ZMAT4: variants seen among roughly 807,000 people sequenced by gnomAD.
The protein encoded by ZMAT4 is zinc finger matrin-type protein 4.
A neutral mutation model predicts 28.7 loss-of-function variants in ZMAT4; 17 were observed. The observed-to-expected ratio is 0.59, with a 90% confidence interval of 0.41 to 0.89. The LOEUF (loss-of-function observed/expected upper bound fraction) is 0.89, where lower values mean the gene tolerates loss of function less well. ZMAT4 is among the 40% of genes least tolerant of loss of function. The probability of loss-of-function intolerance (pLI) is 0.00; values close to 1 mark genes in which losing one functional copy is unlikely to be tolerated. For missense variants in ZMAT4, 240 were observed against 283.8 expected (o/e 0.85, Z 1.11); for synonymous variants, 117 against 109.2 (o/e 1.07, Z -0.44).
intron 3 of ZMAT4, among the ~76,000 whole-genome samples, chr8:40,740,543 T>C (rs543932216): frequency 4.6e-5 from 7 of 152,358 alleles, no homozygotes; most frequent in African/African-American, 1.7e-4. Context: ...TTTTAAGATA[T>C]CTTCAACAAC....
chr8:40,835,468 G>T lies in ZMAT4; in HGVS notation c.-4-9788C>A, dbSNP rs190214677. ...GCTATGTATTGGCTACCTGAGTGAA[G>T]CAAGTACCTGCTCCAGACAGGTGGA... On this transcript the variant is annotated intron_variant, in intron 1 of 6. Transcript: ENST00000297737. Among the ~76,000 whole-genome samples, 431 of 152,334 alleles carry T rather than the reference G, an allele frequency of 2.8e-3. 1 individual carries two copies. Among genetic ancestry groups the T allele is most frequent in the African/African-American group, 9.9e-3 (412 of 41,572 alleles).
At chr8:40,778,980 A>G (rs1252710219) in intron 2 of ZMAT4, among the ~76,000 whole-genome samples, 2 of 152,220 alleles carry the variant, frequency 1.3e-5, no homozygotes, top group African/African-American at 2.4e-5. Flanking sequence ...TATTTTGGAA[A>G]TATATTATCT....
At chr8:40,630,480 C>G (rs1806534642) in intron 5 of ZMAT4, among the ~76,000 whole-genome samples, 1 of 152,166 alleles carries the variant, frequency 6.6e-6, no homozygotes, top group Non-Finnish European at 1.5e-5. Context: ...CTCACACAAC[C>G]AAACCGTGGG....
At chr8:40,837,534 T>C (rs1816540156) in intron 1 of ZMAT4, among the ~76,000 whole-genome samples, 1 of 152,164 alleles carries the variant, frequency 6.6e-6, no homozygotes, top group African/African-American at 2.4e-5. Context: ...AAGTGCACTT[T>C]TTACCCAGTG....
intron 2 of ZMAT4, among the ~76,000 whole-genome samples, chr8:40,768,453 G>C (rs915698190): frequency 6.6e-6 from 1 of 152,160 alleles, no homozygotes; most frequent in Non-Finnish European, 1.5e-5. Flanking sequence ...TTGCTCAACT[G>C]AGAGTTTCAT....
At chr8:40,850,517 A>C (rs908577790) in intron 1 of ZMAT4, among the ~76,000 whole-genome samples, 3 of 152,310 alleles carry the variant, frequency 2.0e-5, no homozygotes, top group East Asian at 3.9e-4. Context: ...TCCGCCCCCC[A>C]AAATGTAAGC....
chr8:40,701,267 A>G (rs1376801601), intron 3 of ZMAT4, among the ~76,000 whole-genome samples: 1 of 152,226 alleles, frequency 6.6e-6, no homozygotes, highest in African/African-American at 2.4e-5. Context: ...ACCAATTCTT[A>G]TACAATAATG....
chr8:40,586,449 G>T (rs1027292336), intron 5 of ZMAT4, among the ~76,000 whole-genome samples: 6 of 152,290 alleles, frequency 3.9e-5, no homozygotes, highest in African/African-American at 7.2e-5. Context: ...AGATATAGAA[G>T]TAGCAACAAT....
intron 3 of ZMAT4, among the ~76,000 whole-genome samples, chr8:40,718,518 A>AT (rs1563433159): frequency 6.6e-5 from 10 of 151,928 alleles, no homozygotes; most frequent in Non-Finnish European, 1.5e-4. Context: ...TTTTTTTTAA[A>AT]TTTCCAGTTT....
At chr8:40,842,452 G>T (rs547573263) in intron 1 of ZMAT4, among the ~76,000 whole-genome samples, 2 of 152,224 alleles carry the variant, frequency 1.3e-5, no homozygotes, top group South Asian at 4.1e-4. Flanking sequence ...CTTTTCAATT[G>T]CTGAAAGGAG....
chr8:40,836,058 C>G (rs1056927528), intron 1 of ZMAT4, among the ~76,000 whole-genome samples: 1 of 152,202 alleles, frequency 6.6e-6, no homozygotes, highest in Admixed American at 6.5e-5. Context: ...ACAGCAGCCT[C>G]CCCCGTCCAT....
At chr8:40,704,240 G>A (rs1810262737) in intron 3 of ZMAT4, among the ~76,000 whole-genome samples, 1 of 152,184 alleles carries the variant, frequency 6.6e-6, no homozygotes, top group Admixed American at 6.6e-5. Context: ...AGAAAATGAT[G>A]TCTCTTCTCT....
At position 40,721,548 on chromosome 8, in the gene ZMAT4, C is replaced by T. The variant is rs1275363880; in HGVS notation, c.193-24147G>A. ...TTCTAGTTCTAGATGCCTGAGGAAT[C>T]GCCACACTGATTTCCACAATGGTTG... On this transcript the variant is annotated intron_variant, in intron 3 of 6. Coordinates refer to ENST00000297737, the MANE Select transcript of ZMAT4 (RefSeq NM_024645.3). Among the ~76,000 whole-genome samples the T allele has an allele frequency of 7.7e-3, 1,028 of 134,000 alleles. 11 individuals are homozygous for T. The highest frequency in any genetic ancestry group is 0.026 in the African/African-American group (908 of 35,048). The allele number at this position is 134,000 out of a possible 152,430, so 87.9% of individuals were successfully genotyped here.
chr8:40,756,140 AG>A (rs1812668293), intron 3 of ZMAT4, among the ~76,000 whole-genome samples: 1 of 152,054 alleles, frequency 6.6e-6, no homozygotes, highest in Admixed American at 6.6e-5. Flanking sequence ...GAAGATAAAA[AG>A]CATCTGGATG....
chr8:40,883,644 T>C (rs367628047), intron 1 of ZMAT4, among the ~76,000 whole-genome samples: 3 of 152,126 alleles, frequency 2.0e-5, no homozygotes, highest in Non-Finnish European at 4.4e-5. Flanking sequence ...GAAGATACTT[T>C]TAAAAACAAA....
intron 2 of ZMAT4, among the ~76,000 whole-genome samples, chr8:40,809,167 C>T (rs1002359290): frequency 6.6e-6 from 1 of 152,156 alleles, no homozygotes; most frequent in Non-Finnish European, 1.5e-5. Flanking sequence ...ATGAATGTTG[C>T]TGAAGGCCAT....
intron 5 of ZMAT4, among the ~76,000 whole-genome samples, chr8:40,637,446 A>T (rs1806836727): frequency 6.6e-6 from 1 of 152,188 alleles, no homozygotes; most frequent in Admixed American, 6.5e-5. Context: ...GGTCTGGACA[A>T]AGTGACTTCA....
intron 1 of ZMAT4, among the ~76,000 whole-genome samples, chr8:40,844,414 G>A (rs1023494812): frequency 8.5e-5 from 13 of 152,128 alleles, no homozygotes; most frequent in Admixed American, 5.9e-4. Flanking sequence ...TTCTCTCCTT[G>A]AGCTGAGACA....
At chr8:40,842,236 T>G (rs867346842) in intron 1 of ZMAT4, among the ~76,000 whole-genome samples, 2 of 152,334 alleles carry the variant, frequency 1.3e-5, no homozygotes, top group South Asian at 4.1e-4. Context: ...ACCTCTGTTC[T>G]GAGCTATACC....
Sources: allele counts gnomAD v4.1 joint callset (sites outside exome capture counted in the v4.1 genomes callset), GRCh38; gene constraint gnomAD v4.1.1; transcripts MANE v1.5; gene names NCBI Gene and HGNC (gene_info 2026-07-23, HGNC 2026-07-21).